MYH10: variants seen among roughly 807,000 people sequenced by gnomAD.
The protein encoded by MYH10 is myosin-10.
A neutral mutation model predicts 257.8 loss-of-function variants in MYH10; 55 were observed. That is an observed-to-expected ratio of 0.21 (90% confidence interval 0.17 to 0.27). MYH10 has a LOEUF of 0.27. Ranked by LOEUF, MYH10 falls within the 10% of genes least tolerant of loss-of-function variation. The pLI is 1.00. For missense variants in MYH10, 1,631 were observed against 2,500.6 expected (o/e 0.65, Z 7.42); for synonymous variants, 854 against 921.7 (o/e 0.93, Z 1.33).
chr17:8,476,524 G>A (rs1912653204), intron 42 of MYH10, among the ~76,000 whole-genome samples: 1 of 151,892 alleles, frequency 6.6e-6, no homozygotes, highest in South Asian at 2.1e-4. Flanking sequence ...CGGTGCTGAG[G>A]AGGGCTGATG....
chr17:8,476,011 G>C (rs1445807613), intron 42 of MYH10, 63 bp from the exon 43 acceptor site: 1 of 1,542,024 alleles, frequency 6.5e-7, no homozygotes, highest in Non-Finnish European at 8.8e-7. Context: ...CTGTCAATAT[G>C]TTCAACCACT....
chr17:8,513,687 A>C lies in MYH10; in HGVS notation c.2614-18T>G, dbSNP rs1597705169. On this transcript the variant is annotated intron_variant, in intron 22 of 42. Transcript: ENST00000360416. The stretch of plus-strand genomic sequence containing the variant: ...GGCTTCACCTATGACAAAATTAAGC[A>C]GTTTTTTTTTTTTTATCATTCCAGC... 3 of 1,554,606 alleles carry C rather than the reference A, an allele frequency of 1.9e-6. No homozygotes were observed. Among genetic ancestry groups the C allele is most frequent in the East Asian group, 2.3e-5 (1 of 43,484 alleles).
At chr17:8,488,952 T>C (rs915446802) in intron 35 of MYH10, among the ~76,000 whole-genome samples, 2 of 152,230 alleles carry the variant, frequency 1.3e-5, no homozygotes, top group South Asian at 4.1e-4. Context: ...TGGAGCATAA[T>C]CTCCTCTTGA....
At chr17:8,489,745 A>ACACC (rs1258993754) in intron 35 of MYH10, among the ~76,000 whole-genome samples, 2 of 150,700 alleles carry the variant, frequency 1.3e-5, no homozygotes, top group African/African-American at 4.9e-5. Flanking sequence ...ACACACACAC[A>ACACC]CCCCAAATCC....
chr17:8,495,338 G>T (rs1022312661), intron 30 of MYH10, 97 bp from the exon 31 acceptor site: 2 of 755,648 alleles, frequency 2.6e-6, no homozygotes, highest in African/African-American at 3.5e-5. Context: ...AGAACTCGGC[G>T]GGAGTGTGAA....
chr17:8,541,445 A>G (rs1161612829), intron 14 of MYH10, among the ~76,000 whole-genome samples: 1 of 152,222 alleles, frequency 6.6e-6, no homozygotes, highest in Admixed American at 6.5e-5. Context: ...AAGCTAACTG[A>G]TAAGGAGTAC....
At chr17:8,479,058 G>A (rs1913213297) in intron 40 of MYH10, among the ~76,000 whole-genome samples, 1 of 152,222 alleles carries the variant, frequency 6.6e-6, no homozygotes, top group African/African-American at 2.4e-5. Context: ...AAGAGCAAAT[G>A]TTACATACAA....
At position 8,493,900 on chromosome 17, in the gene MYH10, TA is replaced by T; in HGVS notation, c.4057-16del. ...TGAAGAAGCTCCTGTGTTTTTTTTT[TA>T]AAGGGCAACACTTCCATTACATTTA... On this transcript the variant is annotated splice_polypyrimidine_tract_variant and intron_variant, in intron 31 of 42. Coordinates refer to ENST00000360416, the MANE Select transcript of MYH10 (RefSeq NM_001256012.3). The T allele has an allele frequency of 1.9e-6, 3 of 1,588,862 alleles. No individual in the cohort carries two copies. Among genetic ancestry groups the T allele is most frequent in the Non-Finnish European group, 2.6e-6 (3 of 1,171,966 alleles).
intron 6 of MYH10, among the ~76,000 whole-genome samples, chr17:8,571,884 T>TTGG (rs1313207126): frequency 6.6e-6 from 1 of 151,940 alleles, no homozygotes; most frequent in Non-Finnish European, 1.5e-5. Context: ...TGCAAAGCCC[T>TTGG]TGGTATACTC....
chr17:8,507,329 A>G (rs1350206840), intron 26 of MYH10, among the ~76,000 whole-genome samples: 1 of 152,236 alleles, frequency 6.6e-6, no homozygotes, highest in Admixed American at 6.5e-5. Flanking sequence ...AAACGCACAC[A>G]TTAACCAAGA....
chr17:8,510,253 A>G (rs1226868070), intron 24 of MYH10, among the ~76,000 whole-genome samples: 1 of 152,018 alleles, frequency 6.6e-6, no homozygotes. Context: ...CATGTTAGCC[A>G]GGATGGTCTT....
At chr17:8,525,639 C>T (rs2081817146) in intron 17 of MYH10, among the ~76,000 whole-genome samples, 1 of 152,240 alleles carries the variant, frequency 6.6e-6, no homozygotes, top group African/African-American at 2.4e-5. Flanking sequence ...AGTTCTTAAA[C>T]ACAATCTGCT....
rs747729499 is a variant in MYH10, at chr17:8,490,225, G to A, written c.4884+115C>T. ...ACCAAATAAATTCATTTTACTCTAT[G>A]TGTTACTCTGTGTTTACTCAGATGT... On this transcript the variant is annotated intron_variant, in intron 35 of 42. Coordinates refer to ENST00000360416, the MANE Select transcript of MYH10 (RefSeq NM_001256012.3). This position sits in a 1 kb window ranked among gnomAD's most constrained non-coding sequence, Gnocchi z 4.1. The A allele has an allele frequency of 2.4e-6, 2 of 826,976 alleles. No individual in the cohort carries two copies. Among genetic ancestry groups the A allele is most frequent in the African/African-American group, 1.7e-5 (1 of 59,168 alleles). 51.2% of individuals were successfully genotyped at this position (826,976 alleles called of 1,614,324 possible). A position where few individuals can be genotyped will look rare whatever the true frequency, so the allele number is the denominator to read the frequency against.
intron 21 of MYH10, among the ~76,000 whole-genome samples, chr17:8,514,151 AC>A (rs1332550368): frequency 6.6e-6 from 1 of 152,134 alleles, no homozygotes; most frequent in Non-Finnish European, 1.5e-5. Flanking sequence ...GCTGCCCTGC[AC>A]ATTCTCCTGC....
chr17:8,521,055 G>T, intron 18 of MYH10, 37 bp downstream of exon 18: 2 of 1,613,396 alleles, frequency 1.2e-6, no homozygotes, highest in Non-Finnish European at 1.7e-6. Flanking sequence ...ACCTAGATCA[G>T]TTTTAAATAC....
chr17:8,483,060 TAAA>T (rs148085622), intron 37 of MYH10, among the ~76,000 whole-genome samples: 1 of 152,014 alleles, frequency 6.6e-6, no homozygotes, highest in East Asian at 1.9e-4. Context: ...GAAATCAACT[TAAA>T]AAACAAGCAA....
intron 19 of MYH10, among the ~76,000 whole-genome samples, chr17:8,519,561 A>G (rs140854155): frequency 6.3e-4 from 96 of 151,798 alleles, no homozygotes; most frequent in African/African-American, 2.2e-3. Context: ...ACATCAATCA[A>G]CTTTGTATCT....
chr17:8,532,312 G>A lies in MYH10; in HGVS notation c.1895-1627C>T, dbSNP rs181514846. On this transcript the variant is annotated intron_variant, in intron 16 of 42. Transcript: ENST00000360416. ...AAAGACAAGGGCCATAAATAGGGCTGTGCAAACATGGCATCTGTGAGTCAG... is the reference window on the plus strand; with the variant it reads ...AAAGACAAGGGCCATAAATAGGGCTATGCAAACATGGCATCTGTGAGTCAG... Among the ~76,000 whole-genome samples, 264 of 152,364 alleles carry A rather than the reference G, an allele frequency of 1.7e-3. 1 individual carries two copies. The highest frequency in any genetic ancestry group is 6.0e-3 in the African/African-American group (249 of 41,590).
At chr17:8,617,963 GA>G (rs2085329716) in intron 2 of MYH10, among the ~76,000 whole-genome samples, 1 of 151,916 alleles carries the variant, frequency 6.6e-6, no homozygotes, top group South Asian at 2.1e-4. Flanking sequence ...CATTTCTTAC[GA>G]AAAATAACTT....
Sources: gnomAD v4.1 joint callset for allele counts (sites outside exome capture counted in the v4.1 genomes callset) on GRCh38, gnomAD v4.1.1 for gene constraint, Gnocchi (gnomAD v3.1) non-coding constraint, MANE v1.5 for transcripts, NCBI Gene and HGNC (gene_info 2026-07-23, HGNC 2026-07-21) for gene names.